The following NAV2 variants were observed in gnomAD, a reference collection of about 807,000 sequenced individuals.
The protein encoded by NAV2 is helicase, APC down-regulated 1.
Under a neutral mutation model 223.2 loss-of-function variants are expected in NAV2, and 54 were observed. That is an observed-to-expected ratio of 0.24 (90% CI 0.19 to 0.30). The LOEUF (loss-of-function observed/expected upper bound fraction) is 0.30. Among genes scored for constraint, NAV2 ranks in the 10% least tolerant of loss-of-function variants. The probability of loss-of-function intolerance (pLI) is 1.00; values close to 1 mark genes in which losing one functional copy is unlikely to be tolerated. For missense variants in NAV2, 2,806 were observed against 3,147.5 expected, an observed-to-expected ratio of 0.89 and a Z score of 2.60; for synonymous variants, 1,279 against 1,239.3, an observed-to-expected ratio of 1.03 and a Z score of -0.67.
At position 19,939,752 on chromosome 11, in the gene NAV2, C is replaced by T; in HGVS notation, c.2125C>T (p.Pro709Ser). 6.2e-7 allele frequency: 1 copy of T among 1,613,932 alleles called. No homozygotes were observed. The change falls in exon 8 of 38, where the codon CCT becomes TCT. Residue 709 changes from proline to serine, a missense_variant. Physicochemically the swap from Pro to Ser is moderately conservative, Grantham distance 74 (BLOSUM62 -1). This residue lies in a region of NAV2 where 1,167 missense variants were observed against 1,180.5 expected (regional missense o/e 0.99). Transcript: ENST00000349880. ...CAGCCACTTCACCAAGACTGGACAG[C>T]CTGCTCTGGAAGAACTCACTGGTGA... ...EPSHFTKTGQ[P>S]ALEELTGEDP...
chr11:19,816,174 A>G (rs977633517), intron 1 of NAV2, among the ~76,000 whole-genome samples: 4 of 152,220 alleles, frequency 2.6e-5, no homozygotes, highest in African/African-American at 9.6e-5. Flanking sequence ...CACAACGGTC[A>G]TTTCCACTGT....
chr11:19,595,761 T>TA (rs1210380746), intron 1 of NAV2, among the ~76,000 whole-genome samples: 1 of 151,928 alleles, frequency 6.6e-6, no homozygotes, highest in East Asian at 1.9e-4. Context: ...GGGGTCTCAC[T>TA]ATGTTGCCCA....
At chr11:20,017,603 G>T (rs1453978210) in intron 11 of NAV2, among the ~76,000 whole-genome samples, 1 of 152,142 alleles carries the variant, frequency 6.6e-6, no homozygotes, top group East Asian at 1.9e-4. Context: ...TGTCAGGACT[G>T]GGGCATTTCC....
intron 1 of NAV2, among the ~76,000 whole-genome samples, chr11:19,427,163 C>T (rs189701194): frequency 1.3e-5 from 2 of 152,272 alleles, no homozygotes; most frequent in East Asian, 3.9e-4. Context: ...TTTGTTCAGT[C>T]CCCTCTGCAC....
intron 1 of NAV2, among the ~76,000 whole-genome samples, chr11:19,515,429 C>A (rs1484213595): frequency 1.3e-5 from 2 of 152,180 alleles, no homozygotes; most frequent in African/African-American, 4.8e-5. Context: ...ACTTTTCCAT[C>A]ATTTTATTTT....
intron 1 of NAV2, among the ~76,000 whole-genome samples, chr11:19,723,048 C>T (rs1329835862): frequency 6.6e-6 from 1 of 152,228 alleles, no homozygotes; most frequent in African/African-American, 2.4e-5. Context: ...AGGGAGATAA[C>T]ACCATGGGCT....
intron 1 of NAV2, among the ~76,000 whole-genome samples, chr11:19,468,254 T>C (rs567539314): frequency 6.6e-6 from 1 of 152,322 alleles, no homozygotes; most frequent in Non-Finnish European, 1.5e-5. Context: ...TAGAGTTGTA[T>C]ATTAGTTTCT....
intron 4 of NAV2, among the ~76,000 whole-genome samples, chr11:19,873,646 CAGG>C (rs1213082742): frequency 6.6e-6 from 1 of 152,104 alleles, no homozygotes; most frequent in Non-Finnish European, 1.5e-5. Context: ...AGCTAGAAAG[CAGG>C]AGGTCTTTCT....
At chr11:19,751,406 G>A (rs1428157584) in intron 1 of NAV2, among the ~76,000 whole-genome samples, 2 of 152,172 alleles carry the variant, frequency 1.3e-5, no homozygotes, top group African/African-American at 4.8e-5. Context: ...GTAGCAAGGT[G>A]TGGGGTACCC....
intron 11 of NAV2, among the ~76,000 whole-genome samples, chr11:20,025,830 C>G (rs140417995): frequency 6.6e-5 from 10 of 152,336 alleles, no homozygotes; most frequent in Admixed American, 4.6e-4. Flanking sequence ...AGTTCTTACA[C>G]TAGAACTTAA....
At chr11:19,354,934 T>C (rs1053920606) in intron 1 of NAV2, among the ~76,000 whole-genome samples, 4 of 152,216 alleles carry the variant, frequency 2.6e-5, no homozygotes, top group African/African-American at 9.6e-5. Context: ...CTTACCTGGG[T>C]GCCACATATA....
At chr11:19,712,176 CCT>C (rs2049915702), upstream of NAV2, 1 of 152,184 alleles carries the variant, frequency 6.6e-6, no homozygotes, top group Non-Finnish European at 1.5e-5. Context: ...GGTCATGGAG[CCT>C]CTCCCGGCTT....
chr11:19,687,251 G>A (rs2049049323), intron 1 of NAV2, among the ~76,000 whole-genome samples: 1 of 152,204 alleles, frequency 6.6e-6, no homozygotes, highest in Non-Finnish European at 1.5e-5. Flanking sequence ...CCATACAGCA[G>A]CTCTTGGCTG....
intron 1 of NAV2, among the ~76,000 whole-genome samples, chr11:19,405,489 C>T (rs569944991): frequency 7.2e-5 from 11 of 152,254 alleles, no homozygotes; most frequent in East Asian, 5.8e-4. Flanking sequence ...TATCTGAATA[C>T]GAAGGAGTAA....
intron 1 of NAV2, among the ~76,000 whole-genome samples, chr11:19,583,802 C>T (rs900301622): frequency 6.6e-5 from 10 of 152,280 alleles, no homozygotes; most frequent in Middle Eastern, 3.4e-3. Flanking sequence ...AGGATTTTTG[C>T]ATCAATGTTC....
At chr11:19,380,939 C>T (rs765169160) in intron 1 of NAV2, among the ~76,000 whole-genome samples, 72 of 152,144 alleles carry the variant, frequency 4.7e-4, no homozygotes, top group Non-Finnish European at 8.5e-4. Context: ...GACCTAGGTC[C>T]TCAACTACCC....
intron 6 of NAV2, among the ~76,000 whole-genome samples, chr11:19,909,625 T>C (rs2043148645): frequency 6.6e-6 from 1 of 152,184 alleles, no homozygotes; most frequent in Non-Finnish European, 1.5e-5. Context: ...CTCATGGTTT[T>C]CTGTGGTTTG....
At chr11:19,742,760 C>T (rs2052964482) in intron 1 of NAV2, among the ~76,000 whole-genome samples, 1 of 152,186 alleles carries the variant, frequency 6.6e-6, no homozygotes, top group South Asian at 2.1e-4. Flanking sequence ...TGCCCTTGTC[C>T]AAGCCAGTCC....
chr11:20,105,838 C>T (rs1286498530), intron 35 of NAV2, 111 bp downstream of exon 35: 18 of 851,084 alleles, frequency 2.1e-5, no homozygotes, highest in Non-Finnish European at 2.9e-5. Flanking sequence ...GCTGGACTGT[C>T]CATAAAGATA....
Sources: allele counts gnomAD v4.1 joint callset (sites outside exome capture counted in the v4.1 genomes callset), GRCh38; gene constraint gnomAD v4.1.1; regional missense constraint gnomAD v4.1.1; transcripts MANE v1.5; gene names NCBI Gene and HGNC (gene_info 2026-07-23, HGNC 2026-07-21).